The following KMT2C variants were observed in gnomAD, a reference collection of about 807,000 sequenced individuals.
The protein encoded by KMT2C is lysine methyltransferase 2C, also known as histone-lysine N-methyltransferase 2C.
A neutral mutation model predicts 507.9 loss-of-function variants in KMT2C; 88 were observed. That is an observed-to-expected ratio of 0.17 (90% confidence interval 0.15 to 0.21). The LOEUF (loss-of-function observed/expected upper bound fraction) is 0.21. KMT2C is among the 10% of genes least tolerant of loss of function. KMT2C has a pLI of 1.00. For missense variants in KMT2C, 4,954 were observed against 5,957.8 expected (o/e 0.83, Z 5.55); for synonymous variants, 2,049 against 2,080.8 (o/e 0.98, Z 0.42).
At chr7:152,185,451 T>C in intron 34 of KMT2C, 107 bp downstream of exon 34, 2 of 775,098 alleles carry the variant, frequency 2.6e-6, no homozygotes, top group East Asian at 2.7e-5. Context: ...GTACAGGTAC[T>C]AACAAGCATT....
intron 15 of KMT2C, among the ~76,000 whole-genome samples, chr7:152,237,546 G>A (rs1216401294): frequency 6.6e-6 from 1 of 152,176 alleles, no homozygotes; most frequent in Non-Finnish European, 1.5e-5. Context: ...TGCCCAGGCT[G>A]GAGTGCAATG....
chr7:152,320,672 C>A (rs2096765328), intron 3 of KMT2C, among the ~76,000 whole-genome samples: 1 of 151,918 alleles, frequency 6.6e-6, no homozygotes, highest in South Asian at 2.1e-4. Context: ...AATACTATGT[C>A]AAACCAATAA....
chr7:152,414,407 A>T (rs1589863822), intron 1 of KMT2C, among the ~76,000 whole-genome samples: 1 of 150,684 alleles, frequency 6.6e-6, no homozygotes, highest in Middle Eastern at 3.6e-3. Context: ...GCATGCATGT[A>T]ATCCCAGCTA....
rs748782428 is a variant in KMT2C, at chr7:152,176,553, T to C, written c.8900A>G (p.Asn2967Ser). The part of the protein sequence containing the change: ...FIAPPGRVLD[N>S]AMNSNVTVVS... ...TACTGTCACATTAGAATTCATGGCA[T>C]TATCCAAAACACGGCCAGGCGGTGC... The change falls in exon 38 of 59, where the codon AAT (asparagine) becomes AGT (serine). Residue 2967 changes from asparagine to serine, a missense_variant. Coordinates refer to ENST00000262189, the MANE Select transcript of KMT2C (RefSeq NM_170606.3). The C allele has an allele frequency of 2.5e-6, 4 of 1,614,038 alleles. No individual in the cohort carries two copies. Among genetic ancestry groups the C allele is most frequent in the Admixed American group, 1.7e-5 (1 of 60,006 alleles).
Position 152,154,254 on chromosome 7 carries a change from GTGT to G in KMT2C, c.12139+10_12139+12del, listed in dbSNP as rs2091881540. 22 of 1,613,762 alleles carry G rather than the reference GTGT, an allele frequency of 1.4e-5. No homozygotes were observed. The highest frequency in any genetic ancestry group is 2.7e-5 in the African/African-American group (2 of 74,916). ...GTGTAAAGGGAAATAATAAGGTTAA[GTGT>G]TGTTCTTACTTTTCCCAGCAGTGCT... is the stretch of plus-strand genomic sequence containing the variant. On this transcript the variant is annotated intron_variant, in intron 47 of 58. Transcript: ENST00000262189.
chr7:152,308,157 G>C (rs1236756311), intron 6 of KMT2C, among the ~76,000 whole-genome samples: 1 of 152,064 alleles, frequency 6.6e-6, no homozygotes, highest in African/African-American at 2.4e-5. Context: ...TACTCTTGAG[G>C]TGATGCTTAC....
At position 152,136,551 on chromosome 7, in the gene KMT2C, A is replaced by G. The variant is rs562774656; in HGVS notation, c.*281T>C. On this transcript the variant is annotated 3_prime_UTR_variant, in exon 59 of 59. Transcript: ENST00000262189. The stretch of plus-strand genomic sequence containing the variant: ...CCACAAGGGAAAAACAAAACAAAAA[A>G]CAAACAAAAAAAAAAGAAAAGGAAA... The G allele has an allele frequency of 7.2e-4, 258 of 360,718 alleles. 1 individual carries two copies. The highest frequency in any genetic ancestry group is 1.1e-3 in the Non-Finnish European group (214 of 198,380). The allele number at this position is 360,718 out of a possible 1,614,324, so 22.3% of individuals were successfully genotyped here.
chr7:152,214,378 G>A (rs1465903656), intron 23 of KMT2C, among the ~76,000 whole-genome samples: 1 of 152,316 alleles, frequency 6.6e-6, no homozygotes, highest in Non-Finnish European at 1.5e-5. Flanking sequence ...AAGAAATTGT[G>A]ACGTGTGTAT....
rs2129097724 is a variant in KMT2C, at chr7:152,152,919, A to G, written c.12312T>C (p.Leu4104=). ...AGCTGTTAGGGATTCGGACGTGAAG[A>G]AGGTCGGAAAATGCAGCCACAACAC... The part of the protein sequence containing the change: ...ISSVVAAFSD[L]LHVRIPNSYE... Residue 4104 remains leucine (L), a synonymous_variant, in exon 49 of 59, where the codon CTT becomes CTC. Transcript: ENST00000262189. 1 of 1,614,244 alleles carries G rather than the reference A, an allele frequency of 6.2e-7. No homozygotes were observed. Among genetic ancestry groups the G allele is most frequent in the Non-Finnish European group, 8.5e-7 (1 of 1,180,036 alleles).
chr7:152,408,812 G>GT (rs1327020253), intron 1 of KMT2C, among the ~76,000 whole-genome samples: 11 of 114,400 alleles, frequency 9.6e-5, no homozygotes, highest in Middle Eastern at 4.3e-3. Context: ...ACAAGGTTTT[G>GT]TTAAAAAAAA....
intron 6 of KMT2C, among the ~76,000 whole-genome samples, chr7:152,286,105 G>GT (rs2096292141): frequency 6.6e-6 from 1 of 152,310 alleles, no homozygotes; most frequent in Admixed American, 6.5e-5. Context: ...CATGAATAGT[G>GT]TATCTATTCT....
At chr7:152,350,198 C>G (rs1457388570) in intron 2 of KMT2C, among the ~76,000 whole-genome samples, 1 of 151,912 alleles carries the variant, frequency 6.6e-6, no homozygotes, top group African/African-American at 2.4e-5. Context: ...TGCAGTGAGC[C>G]GAGATTGCAC....
chr7:152,312,919 A>C (rs1399440672), intron 4 of KMT2C, among the ~76,000 whole-genome samples: 1 of 152,170 alleles, frequency 6.6e-6, no homozygotes, highest in African/African-American at 2.4e-5. Context: ...ATTTATCATG[A>C]TTCCTATTAA....
chr7:152,286,068 G>A (rs1351850975), intron 6 of KMT2C, among the ~76,000 whole-genome samples: 1 of 152,308 alleles, frequency 6.6e-6, no homozygotes, highest in East Asian at 1.9e-4. Flanking sequence ...GAGATTGGTA[G>A]AAAATTGGTC....
chr7:152,345,230 C>T (rs1252044284), intron 2 of KMT2C, among the ~76,000 whole-genome samples: 1 of 151,966 alleles, frequency 6.6e-6, no homozygotes, highest in Non-Finnish European at 1.5e-5. Context: ...AGCGAGAACC[C>T]GTCCCTCCAA....
At chr7:152,396,523 C>T (rs2097539212) in intron 1 of KMT2C, among the ~76,000 whole-genome samples, 1 of 152,094 alleles carries the variant, frequency 6.6e-6, no homozygotes. Flanking sequence ...CCATAAATAC[C>T]ACTAAGCCTA....
At chr7:152,353,570 T>G (rs1396071651) in intron 2 of KMT2C, among the ~76,000 whole-genome samples, 2 of 152,088 alleles carry the variant, frequency 1.3e-5, no homozygotes, top group African/African-American at 4.8e-5. Context: ...TGATTACAGG[T>G]CACTGCAACT....
At chr7:152,369,326 AAAAAAC>A (rs1383276876) in intron 1 of KMT2C, among the ~76,000 whole-genome samples, 1 of 152,130 alleles carries the variant, frequency 6.6e-6, no homozygotes, top group African/African-American at 2.4e-5. Flanking sequence ...CTGTCTCAAA[AAAAAAC>A]AAAAACAAAA....
At chr7:152,198,397 T>C (rs1460183585) in intron 27 of KMT2C, among the ~76,000 whole-genome samples, 1 of 152,220 alleles carries the variant, frequency 6.6e-6, no homozygotes, top group African/African-American at 2.4e-5. Context: ...CATTTTTCAG[T>C]GGAAGATTGC....
Sources: allele counts gnomAD v4.1 joint callset (sites outside exome capture counted in the v4.1 genomes callset), GRCh38; gene constraint gnomAD v4.1.1; transcripts MANE v1.5; gene names NCBI Gene and HGNC (gene_info 2026-07-23, HGNC 2026-07-21).